TGFB2: variants seen among roughly 807,000 people sequenced by gnomAD.
The protein encoded by TGFB2 is transforming growth factor beta 2.
TGFB2 carries 13 observed loss-of-function variants against 42.7 expected under a neutral mutation model. The ratio of observed to expected loss-of-function variants is 0.30; its 90% confidence interval spans 0.20 to 0.48. The LOEUF (loss-of-function observed/expected upper bound fraction) is 0.48. Among genes scored for constraint, TGFB2 ranks in the 20% least tolerant of loss-of-function variants. TGFB2 has a pLI of 0.99. For missense variants in TGFB2, 390 were observed against 517.5 expected, an observed-to-expected ratio of 0.75 and a Z score of 2.39; for synonymous variants, 193 against 193.6, an observed-to-expected ratio of 1.00 and a Z score of 0.03.
intron 1 of TGFB2, chr1:218,363,487 C>T: frequency 6.8e-7 from 1 of 1,478,558 alleles, no homozygotes; most frequent in Non-Finnish European, 9.4e-7. Flanking sequence ...GTGTTTGTCT[C>T]CTGTGGGGAA....
intron 1 of TGFB2, among the ~76,000 whole-genome samples, chr1:218,385,139 G>A (rs766539272): frequency 1.5e-4 from 23 of 152,120 alleles, no homozygotes; most frequent in Admixed American, 6.5e-5. Flanking sequence ...TTTCTGGTTG[G>A]TAGCTCTGAG....
Sources: gnomAD v4.1 joint callset for allele counts (sites outside exome capture counted in the v4.1 genomes callset) on GRCh38, gnomAD v4.1.1 for gene constraint, MANE v1.5 for transcripts, NCBI Gene and HGNC (gene_info 2026-07-23, HGNC 2026-07-21) for gene names.